SECISBP2L: variants seen among roughly 807,000 people sequenced by gnomAD.
The protein encoded by SECISBP2L is selenocysteine insertion sequence-binding protein 2-like.
A neutral mutation model predicts 114.7 loss-of-function variants in SECISBP2L; 43 were observed. The observed-to-expected ratio is 0.38, with a 90% confidence interval of 0.29 to 0.48. SECISBP2L has a LOEUF of 0.48. Among genes scored for constraint, SECISBP2L ranks in the 20% least tolerant of loss-of-function variants. The probability of loss-of-function intolerance (pLI) is 0.98; values close to 1 mark genes in which losing one functional copy is unlikely to be tolerated. For missense variants in SECISBP2L, 1,136 were observed against 1,301.1 expected, an observed-to-expected ratio of 0.87 and a Z score of 1.95; for synonymous variants, 451 against 439.7, an observed-to-expected ratio of 1.03 and a Z score of -0.32.
Position 49,037,721 on chromosome 15 carries a change from T to C in SECISBP2L, c.73A>G (p.Ser25Gly). The C allele has an allele frequency of 6.2e-7, 1 of 1,611,770 alleles. No individual in the cohort carries two copies. Among genetic ancestry groups the C allele is most frequent in the Non-Finnish European group, 8.5e-7 (1 of 1,178,420 alleles). The stretch of plus-strand genomic sequence containing the variant: ...ATAGGGATCATAAATGTATCAGGAC[T>C]CTTCTTCTGGGGAATAAATGGCTCC... Reference protein sequence around the residue: ...EVEPFIPQKKSPDTFMIPMAL... With the variant: ...EVEPFIPQKKGPDTFMIPMAL... The change falls in exon 2 of 18, where the codon AGT becomes GGT. Residue 25 changes from serine to glycine, a missense_variant. Coordinates refer to ENST00000559471, the MANE Select transcript of SECISBP2L (RefSeq NM_001193489.2).
At position 49,032,979 on chromosome 15, in the gene SECISBP2L, G is replaced by T. The variant is rs1194563897; in HGVS notation, c.650C>A (p.Ala217Asp). Residue 217 changes from alanine (A) to aspartate (D), a missense_variant, in exon 4 of 18, where the codon GCT (alanine) becomes GAT (aspartate). Ala to Asp is a moderately radical substitution (Grantham distance 126). Transcript: ENST00000559471. ...SRSKIVLLVD[A>D]SQQTDFPSDI... ...CCTTGCCTTACCAGTTTGCTGTGAA[G>T]CATCTACCAGAAGCACAATTTTTGA... The T allele has an allele frequency of 6.2e-7, 1 of 1,613,666 alleles. No homozygotes were observed. The highest frequency in any genetic ancestry group is 1.6e-4 in the Middle Eastern group (1 of 6,062).
Position 48,996,603 on chromosome 15 carries a change from T to G in SECISBP2L, c.2404-17A>C. 1 of 1,599,726 alleles carries G rather than the reference T, an allele frequency of 6.3e-7. No individual in the cohort carries two copies. The highest frequency in any genetic ancestry group is 8.5e-7 in the Non-Finnish European group (1 of 1,170,864). On this transcript the variant is annotated splice_polypyrimidine_tract_variant and intron_variant, in intron 16 of 17. Transcript: ENST00000559471. ...AAACAGGCTCTGAAAAGAAAGAGTA[T>G]TTTGATTAATCCATTTTTTTGTTAC...
At chr15:49,042,821 G>C (rs896364395) in intron 1 of SECISBP2L, among the ~76,000 whole-genome samples, 4 of 152,200 alleles carry the variant, frequency 2.6e-5, no homozygotes, top group Admixed American at 2.0e-4. Flanking sequence ...CCTGAGGTCA[G>C]AAGTTCGAGA....
intron 16 of SECISBP2L, among the ~76,000 whole-genome samples, chr15:48,999,098 T>A (rs1160968142): frequency 3.9e-5 from 6 of 152,048 alleles, no homozygotes; most frequent in African/African-American, 1.4e-4. Flanking sequence ...ATAGAGCAGG[T>A]GGGTAGAGAA....
At chr15:49,040,827 C>T (rs568438215) in intron 1 of SECISBP2L, among the ~76,000 whole-genome samples, 4 of 151,722 alleles carry the variant, frequency 2.6e-5, no homozygotes, top group East Asian at 3.9e-4. Flanking sequence ...CGTGAGCCAC[C>T]GCGCCCGGCC....
At chr15:49,002,591 T>C (rs577070409) in intron 14 of SECISBP2L, among the ~76,000 whole-genome samples, 241 of 152,256 alleles carry the variant, frequency 1.6e-3, no homozygotes, top group African/African-American at 5.6e-3. Flanking sequence ...TTAGGTTTTA[T>C]GTTTTAAGCC....
At chr15:49,040,864 C>A (rs1313176100) in intron 1 of SECISBP2L, among the ~76,000 whole-genome samples, 2 of 151,706 alleles carry the variant, frequency 1.3e-5, no homozygotes. Context: ...TAAAAGTCCA[C>A]ATAATAAAGC....
chr15:48,994,048 A>C (rs1479111162), intron 17 of SECISBP2L, among the ~76,000 whole-genome samples: 1 of 151,902 alleles, frequency 6.6e-6, no homozygotes, highest in Non-Finnish European at 1.5e-5. Context: ...TTTGGGAAAA[A>C]ATTTCTTTCC....
chr15:49,027,465 G>A lies in SECISBP2L; in HGVS notation c.935C>T (p.Ser312Phe), dbSNP rs1291414421. The stretch of plus-strand genomic sequence containing the variant: ...CTGAGTTGCCTGGCAAGTTACATTG[G>A]ACCAATTTACACCACCTATAACAAA... ...SSMCAGGVNW[S>F]NVTCQATQKK... The change falls in exon 7 of 18, where the codon TCC becomes TTC. Residue 312 changes from serine (S) to phenylalanine (F), a missense_variant. Around this residue, in one of 2 missense-constraint regions of SECISBP2L, gnomAD observed 452 missense variants for 452.3 expected, o/e 1.00. Coordinates refer to ENST00000559471, the MANE Select transcript of SECISBP2L (RefSeq NM_001193489.2). 3.7e-6 allele frequency: 6 copies of A among 1,604,936 alleles called. No individual in the cohort carries two copies. In the East Asian group the frequency reaches 1.3e-4, roughly 36 times the overall value.
intron 5 of SECISBP2L, 44 bp downstream of exon 5, chr15:49,028,409 C>G: frequency 6.4e-7 from 1 of 1,560,736 alleles, no homozygotes. Flanking sequence ...AATAATAATA[C>G]TGATATCAAT....
intron 7 of SECISBP2L, 27 bp downstream of exon 7, chr15:49,027,338 A>G: frequency 6.5e-7 from 1 of 1,531,562 alleles, no homozygotes; most frequent in Non-Finnish European, 9.0e-7. Context: ...ATACCTAATC[A>G]ATTTTCTCCA....
intron 3 of SECISBP2L, 91 bp from the exon 4 acceptor site, chr15:49,033,191 A>C (rs1290356060): frequency 1.4e-6 from 2 of 1,384,838 alleles, no homozygotes; most frequent in Non-Finnish European, 1.9e-6. Flanking sequence ...AAACATTATA[A>C]AATACACATC....
At chr15:49,010,963 AATGG>A (rs1401826255) in intron 13 of SECISBP2L, among the ~76,000 whole-genome samples, 1 of 152,218 alleles carries the variant, frequency 6.6e-6, no homozygotes, top group Non-Finnish European at 1.5e-5. Flanking sequence ...TTGCTGAATG[AATGG>A]ATGGATGATT....
chr15:49,017,504 C>A, intron 9 of SECISBP2L, 44 bp downstream of exon 9: 1 of 1,261,558 alleles, frequency 7.9e-7, no homozygotes, highest in South Asian at 1.3e-5. Flanking sequence ...AGCCATTGTT[C>A]AAAAGATGTT....
At chr15:49,005,953 G>A (rs1902315502) in intron 14 of SECISBP2L, among the ~76,000 whole-genome samples, 2 of 152,220 alleles carry the variant, frequency 1.3e-5, no homozygotes, top group South Asian at 4.1e-4. Flanking sequence ...GCATGGTGGT[G>A]ACAAAATCTC....
At chr15:49,017,134 C>T in intron 9 of SECISBP2L, 119 bp from the exon 10 acceptor site, 1 of 961,700 alleles carries the variant, frequency 1.0e-6, no homozygotes, top group Non-Finnish European at 1.5e-6. Context: ...TCAAAGAATT[C>T]AATGTCATAA....
Position 49,032,946 on chromosome 15 carries a change from G to T in SECISBP2L, c.664+19C>A. The stretch of plus-strand genomic sequence containing the variant: ...ACAGATAAAAATCAGTGACGCACAT[G>T]TAAGAACCCTTGCCTTACCAGTTTG... On this transcript the variant is annotated intron_variant, in intron 4 of 17. Coordinates refer to ENST00000559471, the MANE Select transcript of SECISBP2L (RefSeq NM_001193489.2). 1.2e-6 allele frequency: 2 copies of T among 1,611,936 alleles called. No homozygotes were observed. Among genetic ancestry groups the T allele is most frequent in the Non-Finnish European group, 1.7e-6 (2 of 1,179,250 alleles).
At chr15:48,998,638 A>G (rs1401522295) in intron 16 of SECISBP2L, among the ~76,000 whole-genome samples, 1 of 152,232 alleles carries the variant, frequency 6.6e-6, no homozygotes, top group Non-Finnish European at 1.5e-5. Flanking sequence ...AAAGCCTTGA[A>G]TGTGAGGGTA....
At chr15:49,027,947 C>T (rs1242775437) in intron 6 of SECISBP2L, among the ~76,000 whole-genome samples, 197 bp downstream of exon 6, 2 of 152,154 alleles carry the variant, frequency 1.3e-5, no homozygotes, top group East Asian at 3.8e-4. Flanking sequence ...CTTAGTAATA[C>T]AAGTGTCCTC....
Sources: gnomAD v4.1 joint callset for allele counts (sites outside exome capture counted in the v4.1 genomes callset) on GRCh38, gnomAD v4.1.1 for gene constraint, gnomAD v4.1.1 regional missense constraint, MANE v1.5 for transcripts, NCBI Gene and HGNC (gene_info 2026-07-23, HGNC 2026-07-21) for gene names.